PLCB1: variants seen among roughly 807,000 people sequenced by gnomAD.
PLCB1 encodes phospholipase C beta 1, also known as 1-phosphatidylinositol 4,5-bisphosphate phosphodiesterase beta-1.
A neutral mutation model predicts 161.8 loss-of-function variants in PLCB1; 46 were observed. The observed-to-expected ratio is 0.28, with a 90% CI of 0.22 to 0.36. The LOEUF (loss-of-function observed/expected upper bound fraction) is 0.36. Ranked by LOEUF, PLCB1 falls within the 10% of genes least tolerant of loss-of-function variation. The pLI, the probability that PLCB1 is intolerant of heterozygous loss-of-function variation, is 1.00. For synonymous variants in PLCB1, 517 were observed against 503.7 expected (o/e 1.03, Z -0.35); for missense variants, 1,016 against 1,472.5 (o/e 0.69, Z 5.07).
chr20:8,787,091 G>A (rs1983524786), intron 27 of PLCB1, among the ~76,000 whole-genome samples: 1 of 152,310 alleles, frequency 6.6e-6, no homozygotes, highest in East Asian at 1.9e-4. Flanking sequence ...AGCTAAAGAC[G>A]GGTTCCTTGT....
intron 2 of PLCB1, among the ~76,000 whole-genome samples, chr20:8,359,986 G>A (rs748575115): frequency 4.6e-5 from 7 of 152,324 alleles, no homozygotes; most frequent in East Asian, 1.9e-4. Context: ...GCAAGGGGTT[G>A]TATACAAGTG....
At chr20:8,794,790 A>T (rs1416688105) in intron 31 of PLCB1, among the ~76,000 whole-genome samples, 4 of 150,594 alleles carry the variant, frequency 2.7e-5, no homozygotes, top group Non-Finnish European at 4.4e-5. Flanking sequence ...CCATTGGTAA[A>T]TAAACAACTC....
chr20:8,215,110 T>C (rs1568593093), intron 2 of PLCB1, among the ~76,000 whole-genome samples: 1 of 152,104 alleles, frequency 6.6e-6, no homozygotes, highest in Non-Finnish European at 1.5e-5. Flanking sequence ...GTTTACCATG[T>C]GAATTTGAGG....
chr20:8,777,200 T>C (rs1982984960), intron 27 of PLCB1, among the ~76,000 whole-genome samples: 1 of 151,746 alleles, frequency 6.6e-6, no homozygotes, highest in African/African-American at 2.4e-5. Context: ...TCACTAGGAG[T>C]GAGGTGGGAA....
intron 4 of PLCB1, among the ~76,000 whole-genome samples, chr20:8,629,940 TTC>T (rs779842099): frequency 8.3e-4 from 124 of 148,890 alleles, no homozygotes; most frequent in East Asian, 3.7e-3. Flanking sequence ...TTTCCTTTCT[TTC>T]TCTCTTTCTT....
At chr20:8,856,509 G>A (rs1455355057) in intron 31 of PLCB1, among the ~76,000 whole-genome samples, 1 of 152,014 alleles carries the variant, frequency 6.6e-6, no homozygotes, top group Non-Finnish European at 1.5e-5. Context: ...CCCAGCTACT[G>A]GGGAGGCTGA....
intron 2 of PLCB1, among the ~76,000 whole-genome samples, chr20:8,171,421 A>G (rs2051732045): frequency 6.6e-6 from 1 of 152,012 alleles, no homozygotes; most frequent in Admixed American, 6.6e-5. Context: ...TTGTTGTTGT[A>G]TGGGAGAGGT....
intron 4 of PLCB1, among the ~76,000 whole-genome samples, chr20:8,632,266 C>G (rs1988625670): frequency 2.6e-5 from 4 of 151,902 alleles, no homozygotes; most frequent in African/African-American, 9.7e-5. Flanking sequence ...GTTAGCAATA[C>G]TCTTCTGCCA....
At chr20:8,523,152 G>A (rs1400300122) in intron 3 of PLCB1, among the ~76,000 whole-genome samples, 2 of 151,910 alleles carry the variant, frequency 1.3e-5, no homozygotes, top group Non-Finnish European at 2.9e-5. Context: ...GACAAAGGGG[G>A]TAGTAGGCCT....
At chr20:8,205,481 T>A (rs1378615913) in intron 2 of PLCB1, among the ~76,000 whole-genome samples, 1 of 152,082 alleles carries the variant, frequency 6.6e-6, no homozygotes, top group African/African-American at 2.4e-5. Flanking sequence ...TTCAGGACAA[T>A]CAATCTGGTT....
chr20:8,643,507 A>G (rs1462293167), intron 4 of PLCB1, among the ~76,000 whole-genome samples: 1 of 151,976 alleles, frequency 6.6e-6, no homozygotes. Context: ...CTCCAGTTCC[A>G]TCTTGAATGT....
chr20:8,817,918 TA>T (rs1291588466), intron 31 of PLCB1, among the ~76,000 whole-genome samples: 1 of 152,248 alleles, frequency 6.6e-6, no homozygotes, highest in African/African-American at 2.4e-5. Flanking sequence ...ATTGATTCTC[TA>T]TAAGTGAAAA....
chr20:8,346,416 A>T (rs995165284), intron 2 of PLCB1, among the ~76,000 whole-genome samples: 2 of 152,260 alleles, frequency 1.3e-5, no homozygotes, highest in Non-Finnish European at 2.9e-5. Flanking sequence ...AGTCATGAGA[A>T]TTAAATGCAG....
intron 2 of PLCB1, among the ~76,000 whole-genome samples, chr20:8,170,028 A>G (rs1362984948): frequency 6.6e-6 from 1 of 152,174 alleles, no homozygotes; most frequent in Non-Finnish European, 1.5e-5. Flanking sequence ...GGCCTGAGGC[A>G]TTCAGTTAAG....
chr20:8,502,350 A>G (rs1182891591), intron 3 of PLCB1, among the ~76,000 whole-genome samples: 1 of 152,208 alleles, frequency 6.6e-6, no homozygotes, highest in Non-Finnish European at 1.5e-5. Flanking sequence ...ATTAATAGCC[A>G]TATAATTTTC....
chr20:8,608,444 GA>G (rs1183771834), intron 3 of PLCB1, among the ~76,000 whole-genome samples: 1 of 152,106 alleles, frequency 6.6e-6, no homozygotes, highest in Non-Finnish European at 1.5e-5. Flanking sequence ...TGGCTTCAAG[GA>G]AAAGGGTATA....
chr20:8,168,316 G>T (rs2051695583), intron 2 of PLCB1, among the ~76,000 whole-genome samples: 1 of 152,312 alleles, frequency 6.6e-6, no homozygotes, highest in East Asian at 1.9e-4. Flanking sequence ...ATTAGTAGAA[G>T]ATTGTCTCTC....
At chr20:8,755,546 G>A (rs1354473564) in intron 23 of PLCB1, among the ~76,000 whole-genome samples, 1 of 152,168 alleles carries the variant, frequency 6.6e-6, no homozygotes, top group African/African-American at 2.4e-5. Flanking sequence ...TATTTTATAA[G>A]GATCAGCATT....
At chr20:8,440,614 C>A (rs1286305633) in intron 3 of PLCB1, among the ~76,000 whole-genome samples, 2 of 152,038 alleles carry the variant, frequency 1.3e-5, no homozygotes, top group Non-Finnish European at 2.9e-5. Context: ...TATATTATGG[C>A]TAGAAAAGCA....
Sources: allele counts gnomAD v4.1 joint callset (sites outside exome capture counted in the v4.1 genomes callset), GRCh38; gene constraint gnomAD v4.1.1; transcripts MANE v1.5; gene names NCBI Gene and HGNC (gene_info 2026-07-23, HGNC 2026-07-21).